ABLIM1: variants seen among roughly 807,000 people sequenced by gnomAD.
ABLIM1 encodes actin-binding LIM protein 1.
A neutral mutation model predicts 107.0 loss-of-function variants in ABLIM1; 40 were observed. That is an observed-to-expected ratio of 0.37 (90% CI 0.29 to 0.49). The LOEUF (loss-of-function observed/expected upper bound fraction) is 0.49, where lower values mean the gene tolerates loss of function less well. Ranked by LOEUF, ABLIM1 falls within the 20% of genes least tolerant of loss-of-function variation. The probability of loss-of-function intolerance (pLI) is 0.97; values close to 1 mark genes in which losing one functional copy is unlikely to be tolerated. For synonymous variants in ABLIM1, 357 were observed against 357.3 expected, an observed-to-expected ratio of 1.00 and a Z score of 0.01; for missense variants, 857 against 1,008.5, an observed-to-expected ratio of 0.85 and a Z score of 2.04.
chr10:114,579,346 C>T (rs910573601), intron 2 of ABLIM1, among the ~76,000 whole-genome samples: 2 of 152,102 alleles, frequency 1.3e-5, no homozygotes, highest in African/African-American at 4.8e-5. Flanking sequence ...ATTGACAGCC[C>T]TCTACGTTGC....
chr10:114,675,797 C>T (rs972409586), intron 1 of ABLIM1, among the ~76,000 whole-genome samples: 14 of 152,210 alleles, frequency 9.2e-5, no homozygotes, highest in African/African-American at 3.1e-4. Flanking sequence ...AGTGCAGAGT[C>T]GGTTCCTTCT....
chr10:114,716,381 C>T (rs1010692342), intron 1 of ABLIM1, among the ~76,000 whole-genome samples: 1 of 151,112 alleles, frequency 6.6e-6, no homozygotes, highest in African/African-American at 2.5e-5. Context: ...GAGTTTTTCA[C>T]AGTTAGTGTT....
chr10:114,535,311 T>G (rs1313840543), intron 6 of ABLIM1, among the ~76,000 whole-genome samples: 1 of 151,964 alleles, frequency 6.6e-6, no homozygotes, highest in African/African-American at 2.4e-5. Flanking sequence ...TAGAATAGAA[T>G]CTTTTTTTTT....
At chr10:114,448,085 C>T (rs1396450699) in intron 14 of ABLIM1, 65 bp from the exon 15 acceptor site, 1 of 1,591,382 alleles carries the variant, frequency 6.3e-7, no homozygotes, top group Admixed American at 1.7e-5. Flanking sequence ...CGGTACAACC[C>T]CACTTACATA....
chr10:114,792,808 G>A, the ABLIM1 span, among the ~76,000 whole-genome samples: 1 of 152,190 alleles, frequency 6.6e-6, no homozygotes, highest in African/African-American at 2.4e-5. Flanking sequence ...GTCTCTATGT[G>A]GAGATCTGAT....
rs115133144 is a variant in ABLIM1, at chr10:114,734,365, C to T, written c.-213+33696G>A. 9.0e-4 allele frequency among the ~76,000 whole-genome samples: 137 copies of T among 152,308 alleles called. 1 individual carries two copies. The highest frequency in any genetic ancestry group is 3.1e-3 in the African/African-American group (130 of 41,560). ...CTGTTTACACAGCTAAATCCATAAC[C>T]TCACATTCGTGCCCTCCATAATGTG... On this transcript the variant is annotated intron_variant, in intron 1 of 15. Coordinates refer to the ABLIM1 transcript ENST00000651092.
chr10:114,436,399 G>A (rs952332171), intron 22 of ABLIM1, 26 bp from the exon 23 acceptor site: 3 of 1,507,298 alleles, frequency 2.0e-6, no homozygotes, highest in Non-Finnish European at 2.8e-6. Context: ...AAAAAAAAGA[G>A]CTGCTGTCAG....
At chr10:114,740,030 C>T (rs1016865159) in intron 1 of ABLIM1, among the ~76,000 whole-genome samples, 2 of 151,928 alleles carry the variant, frequency 1.3e-5, no homozygotes, top group African/African-American at 4.8e-5. Context: ...AACCTGTTGG[C>T]ATCAATTTTT....
At position 114,732,835 on chromosome 10, in the gene ABLIM1, G is replaced by A. The variant is rs567242185; in HGVS notation, c.-213+35226C>T. Reference sequence around the variant, plus strand: ...TACTTTAATACATGGAAATATCTATGACAAATAATCCTTAAACACAAAACT... The same window carrying A: ...TACTTTAATACATGGAAATATCTATAACAAATAATCCTTAAACACAAAACT... On this transcript the variant is annotated intron_variant, in intron 1 of 15. Transcript: ENST00000651092. Among the ~76,000 whole-genome samples, 4 of 152,228 alleles carry A rather than the reference G, an allele frequency of 2.6e-5. No homozygotes were observed. In the South Asian group the frequency reaches 6.2e-4, roughly 24 times the overall value.
chr10:114,458,549 T>G (rs539713968), intron 12 of ABLIM1, among the ~76,000 whole-genome samples: 7 of 152,314 alleles, frequency 4.6e-5, no homozygotes, highest in African/African-American at 1.7e-4. Context: ...AATGAACATC[T>G]TGAGGGAACC....
At chr10:114,576,410 A>G (rs2072555143) in intron 2 of ABLIM1, among the ~76,000 whole-genome samples, 1 of 152,234 alleles carries the variant, frequency 6.6e-6, no homozygotes, top group South Asian at 2.1e-4. Flanking sequence ...GCAACAGCCA[A>G]AGCTGGAAAT....
rs147340378 is a variant in ABLIM1, at chr10:114,447,733, G to A, written c.1735+147C>T. 89 of 1,130,564 alleles carry A rather than the reference G, an allele frequency of 7.9e-5. No individual in the cohort carries two copies. The South Asian group carries it at 1.0e-3, about 13-fold the overall frequency. The allele number at this position is 1,130,564 out of a possible 1,614,324, so 70.0% of individuals were successfully genotyped here. A position where few individuals can be genotyped will look rare whatever the true frequency, so the allele number is the denominator to read the frequency against. ...GTTTTGTACAACAAGTTAATACCAC[G>A]TTAGTTCTTTTCACTATGCTACCTC... On this transcript the variant is annotated intron_variant, in intron 15 of 22. Transcript: ENST00000533213.
At chr10:114,797,494 GTC>G in the ABLIM1 span, among the ~76,000 whole-genome samples, 50 of 152,292 alleles carry the variant, frequency 3.3e-4, no homozygotes, top group African/African-American at 1.2e-3. Flanking sequence ...CACACTTAGT[GTC>G]TCTCTCATTC....
intron 6 of ABLIM1, among the ~76,000 whole-genome samples, chr10:114,506,839 T>A (rs1196957272): frequency 6.6e-6 from 1 of 152,224 alleles, no homozygotes; most frequent in Non-Finnish European, 1.5e-5. Flanking sequence ...GCTCTTTAAT[T>A]TAATTAAGTC....
At chr10:114,440,341 C>A (rs915518875) in intron 19 of ABLIM1, among the ~76,000 whole-genome samples, 2 of 152,204 alleles carry the variant, frequency 1.3e-5, no homozygotes, top group African/African-American at 4.8e-5. Flanking sequence ...GTACTTACTG[C>A]TTCCTTCTCT....
chr10:114,673,597 C>G (rs2080351955), intron 1 of ABLIM1, among the ~76,000 whole-genome samples: 1 of 152,214 alleles, frequency 6.6e-6, no homozygotes, highest in Admixed American at 6.5e-5. Context: ...TCTTATTTAT[C>G]AGCCAGGCCT....
chr10:114,668,594 G>A (rs1389854670), intron 1 of ABLIM1, among the ~76,000 whole-genome samples: 4 of 152,262 alleles, frequency 2.6e-5, no homozygotes, highest in East Asian at 1.9e-4. Context: ...CACCTAAGCC[G>A]TATAGGTAGC....
intron 6 of ABLIM1, among the ~76,000 whole-genome samples, chr10:114,511,651 C>CTGT (rs1195260328): frequency 2.0e-5 from 3 of 152,104 alleles, no homozygotes; most frequent in Admixed American, 2.0e-4. Flanking sequence ...AGGCGTGAGC[C>CTGT]ACCACACCTG....
At chr10:114,517,033 C>T (rs992392568) in intron 6 of ABLIM1, among the ~76,000 whole-genome samples, 1 of 152,076 alleles carries the variant, frequency 6.6e-6, no homozygotes, top group African/African-American at 2.4e-5. Flanking sequence ...AAGAGCAGGG[C>T]TGTTGATTAC....
Sources: allele counts gnomAD v4.1 joint callset (sites outside exome capture counted in the v4.1 genomes callset), GRCh38; gene constraint gnomAD v4.1.1; transcripts MANE v1.5; gene names NCBI Gene and HGNC (gene_info 2026-07-23, HGNC 2026-07-21).